Variants in ULK4 observed in about 807,000 individuals in gnomAD.
ULK4 encodes unc-51 like kinase 4.
Under a neutral mutation model 160.6 loss-of-function variants are expected in ULK4, and 133 were observed. The ratio of observed to expected loss-of-function variants is 0.83; its 90% CI spans 0.72 to 0.96. The LOEUF is 0.96. ULK4 is among the 40% of genes least tolerant of loss of function. ULK4 has a pLI of 0.00. For missense variants in ULK4, 1,580 were observed against 1,499.5 expected (o/e 1.05, Z -0.89); for synonymous variants, 534 against 539.8 (o/e 0.99, Z 0.15).
intron 20 of ULK4, among the ~76,000 whole-genome samples, chr3:41,798,823 G>C (rs2040374609): frequency 6.6e-6 from 1 of 152,110 alleles, no homozygotes; most frequent in Non-Finnish European, 1.5e-5. Flanking sequence ...AAACATTTGA[G>C]AGTCAGGAAA....
Position 41,455,627 on chromosome 3 carries a change from T to A in ULK4, c.3394-32A>T, listed in dbSNP as rs558814486. On this transcript the variant is annotated intron_variant, in intron 33 of 36. Coordinates refer to ENST00000301831, the MANE Select transcript of ULK4 (RefSeq NM_017886.4). Reference sequence around the variant, plus strand: ...CAGAGAGAAGAGAAATGAAAGACGGTCTTGGTGATTAGTCAGCTTGGCCAA... The same window carrying A: ...CAGAGAGAAGAGAAATGAAAGACGGACTTGGTGATTAGTCAGCTTGGCCAA... 3.1e-6 allele frequency: 5 copies of A among 1,606,452 alleles called. No individual in the cohort carries two copies. The South Asian group carries it at 3.3e-5, about 11-fold the overall frequency.
chr3:41,279,462 C>T (rs1314331437), intron 35 of ULK4, among the ~76,000 whole-genome samples: 1 of 151,920 alleles, frequency 6.6e-6, no homozygotes, highest in East Asian at 1.9e-4. Flanking sequence ...ACAGAGAACC[C>T]CACAAAGATA....
chr3:41,393,623 T>C (rs1376618324), intron 35 of ULK4, among the ~76,000 whole-genome samples: 2 of 152,202 alleles, frequency 1.3e-5, no homozygotes, highest in African/African-American at 2.4e-5. Flanking sequence ...GTTGCTTCCA[T>C]GTCTCTCTGG....
chr3:41,619,210 G>C (rs2033125063), intron 30 of ULK4, among the ~76,000 whole-genome samples: 2 of 151,680 alleles, frequency 1.3e-5, no homozygotes, highest in African/African-American at 4.8e-5. Context: ...GTCAATATTA[G>C]ACCAACGAGA....
chr3:41,943,430 C>T (rs1170026837), intron 2 of ULK4, among the ~76,000 whole-genome samples: 4 of 152,022 alleles, frequency 2.6e-5, no homozygotes, highest in South Asian at 4.1e-4. Flanking sequence ...CTTTCCAGCC[C>T]GCTCCCACAA....
chr3:41,586,039 A>G (rs2030774594), intron 31 of ULK4, among the ~76,000 whole-genome samples: 2 of 152,220 alleles, frequency 1.3e-5, no homozygotes, highest in African/African-American at 4.8e-5. Flanking sequence ...ACCCCTGTAC[A>G]CTGTTAGTGG....
At chr3:41,348,312 C>T (rs2080844814) in intron 35 of ULK4, among the ~76,000 whole-genome samples, 1 of 151,732 alleles carries the variant, frequency 6.6e-6, no homozygotes, top group Non-Finnish European at 1.5e-5. Flanking sequence ...GTAGCATTCA[C>T]CTCCAGCAAA....
At chr3:41,469,072 A>T (rs562844379) in intron 32 of ULK4, among the ~76,000 whole-genome samples, 1 of 152,300 alleles carries the variant, frequency 6.6e-6, no homozygotes, top group East Asian at 1.9e-4. Flanking sequence ...CTACACAGTC[A>T]GCCTCCAGGA....
At chr3:41,578,955 C>T (rs984513055) in intron 31 of ULK4, among the ~76,000 whole-genome samples, 4 of 152,138 alleles carry the variant, frequency 2.6e-5, no homozygotes, top group Admixed American at 6.5e-5. Context: ...AGAAATCAGG[C>T]GCAACCCAAC....
chr3:41,612,720 A>G (rs1195914613), intron 31 of ULK4, among the ~76,000 whole-genome samples: 1 of 152,176 alleles, frequency 6.6e-6, no homozygotes, highest in African/African-American at 2.4e-5. Context: ...TAAGATCTCA[A>G]ATTCAGAATT....
intron 34 of ULK4, among the ~76,000 whole-genome samples, chr3:41,454,463 C>A (rs2083494397): frequency 6.7e-6 from 1 of 148,928 alleles, no homozygotes; most frequent in Admixed American, 6.7e-5. Flanking sequence ...TTGCTTGAAC[C>A]TGGTAGGCGG....
chr3:41,554,140 G>A (rs147405331), intron 32 of ULK4, among the ~76,000 whole-genome samples: 7 of 151,990 alleles, frequency 4.6e-5, no homozygotes, highest in Non-Finnish European at 5.9e-5. Flanking sequence ...GCAGTTCCAC[G>A]GAAGTACCGT....
At chr3:41,503,295 T>G (rs1452664613) in intron 32 of ULK4, among the ~76,000 whole-genome samples, 1 of 152,212 alleles carries the variant, frequency 6.6e-6, no homozygotes, top group Non-Finnish European at 1.5e-5. Context: ...ACTTAGTTAG[T>G]GCACCAAAAC....
chr3:41,785,415 T>G (rs929007289), intron 21 of ULK4, among the ~76,000 whole-genome samples: 2 of 152,144 alleles, frequency 1.3e-5, no homozygotes, highest in African/African-American at 4.8e-5. Context: ...TTAACAAAAA[T>G]TATGTCTGGG....
At chr3:41,719,209 GC>G in intron 22 of ULK4, among the ~76,000 whole-genome samples, 1 of 152,174 alleles carries the variant, frequency 6.6e-6, no homozygotes, top group African/African-American at 2.4e-5. Context: ...TGTGTCTTTT[GC>G]TGGTTCATGC....
At chr3:41,558,057 T>C (rs890542812) in intron 32 of ULK4, among the ~76,000 whole-genome samples, 1 of 152,142 alleles carries the variant, frequency 6.6e-6, no homozygotes, top group Non-Finnish European at 1.5e-5. Flanking sequence ...CTTCTCAGTA[T>C]CTACAAAACT....
chr3:41,466,411 G>C (rs892991031), intron 32 of ULK4, among the ~76,000 whole-genome samples: 1 of 152,034 alleles, frequency 6.6e-6, no homozygotes, highest in Non-Finnish European at 1.5e-5. Flanking sequence ...GAACTCTTCA[G>C]AAAAAAATCC....
chr3:41,385,344 G>A lies in ULK4; in HGVS notation c.3678+12735C>T, dbSNP rs116552297. On this transcript the variant is annotated intron_variant, in intron 35 of 36. Coordinates refer to ENST00000301831, the MANE Select transcript of ULK4 (RefSeq NM_017886.4). The stretch of plus-strand genomic sequence containing the variant: ...GAAACTTGAAAGAGCAGAAGATGCT[G>A]TAGAGAGAGTAGGGAACAAATTTTA... Among the ~76,000 whole-genome samples the A allele has an allele frequency of 6.7e-3, 1,017 of 152,260 alleles. 4 individuals are homozygous for A. The highest frequency in any genetic ancestry group is 0.015 in the East Asian group (78 of 5,180).
intron 30 of ULK4, among the ~76,000 whole-genome samples, chr3:41,655,276 G>A (rs1431027487): frequency 6.8e-6 from 1 of 147,988 alleles, no homozygotes; most frequent in Non-Finnish European, 1.5e-5. Flanking sequence ...CTATCGCAAG[G>A]ACAAAAAACC....
Sources: allele counts gnomAD v4.1 joint callset (sites outside exome capture counted in the v4.1 genomes callset), GRCh38; gene constraint gnomAD v4.1.1; transcripts MANE v1.5; gene names NCBI Gene and HGNC (gene_info 2026-07-23, HGNC 2026-07-21).